NBEAL1: variants seen among roughly 807,000 people sequenced by gnomAD.
The protein encoded by NBEAL1 is neurobeachin-like protein 1.
A neutral mutation model predicts 351.3 loss-of-function variants in NBEAL1; 273 were observed. That is an observed-to-expected ratio of 0.78 (90% CI 0.70 to 0.86). The LOEUF is 0.86. NBEAL1 is among the 40% of genes least tolerant of loss of function. NBEAL1 has a pLI of 0.00. For synonymous variants in NBEAL1, 1,050 were observed against 1,086.4 expected, an observed-to-expected ratio of 0.97 and a Z score of 0.66; for missense variants, 2,961 against 3,201.3, an observed-to-expected ratio of 0.92 and a Z score of 1.81.
rs1381071486 is a variant in NBEAL1 at position 203,221,677 on chromosome 2, A to G, written c.*4323A>G. Among the ~76,000 whole-genome samples, 1 of 152,180 alleles carries G rather than the reference A, an allele frequency of 6.6e-6. No individual in the cohort carries two copies. The highest frequency in any genetic ancestry group is 1.5e-5 in the Non-Finnish European group (1 of 68,040). Reference sequence around the variant, plus strand: ...AACATTTTCATCACTCTTTAACAAAATCCATTCTCAATATTCTTTTTGCTG... The same window carrying G: ...AACATTTTCATCACTCTTTAACAAAGTCCATTCTCAATATTCTTTTTGCTG... On this transcript the variant is annotated 3_prime_UTR_variant, in exon 56 of 56. Coordinates refer to ENST00000683969, the MANE Select transcript of NBEAL1 (RefSeq NM_001378026.1).
In NBEAL1 at chr2:203,126,092, AG is replaced by A. The variant is rs758807614; in HGVS notation, c.2985+1del. 1 of 1,541,982 alleles carries A rather than the reference AG, an allele frequency of 6.5e-7. No individual in the cohort carries two copies. Among genetic ancestry groups the A allele is most frequent in the Non-Finnish European group, 8.7e-7 (1 of 1,143,746 alleles). ...GCAACTCTTGGTGCTTTACTTCAGA[AG>A]GTGAGCCAGTCTAACATTGTGTTGA... ...GVATLGALLQ[K>X]VPSTLMDVNV... On this transcript the variant is annotated frameshift_variant and splice_region_variant, in exon 21 of 56. Coordinates refer to ENST00000683969, the MANE Select transcript of NBEAL1 (RefSeq NM_001378026.1). LOFTEE classifies it high-confidence loss of function.
Position 203,080,451 on chromosome 2 carries a change from C to T in NBEAL1, c.684+2614C>T, listed in dbSNP as rs564273964. 5.9e-5 allele frequency among the ~76,000 whole-genome samples: 9 copies of T among 152,144 alleles called. No homozygotes were observed. The East Asian group carries it at 9.7e-4, about 16-fold the overall frequency. On this transcript the variant is annotated intron_variant, in intron 8 of 55. Coordinates refer to ENST00000683969, the MANE Select transcript of NBEAL1 (RefSeq NM_001378026.1). ...TTATCTGTTTGTATTAATGCAATTCCCCTTTCCTCCTTGTTTTTGCTCTGT... is the reference window on the plus strand; with the variant it reads ...TTATCTGTTTGTATTAATGCAATTCTCCTTTCCTCCTTGTTTTTGCTCTGT...
intron 50 of NBEAL1, among the ~76,000 whole-genome samples, chr2:203,202,284 G>C (rs1378561377): frequency 6.6e-6 from 1 of 152,146 alleles, no homozygotes; most frequent in African/African-American, 2.4e-5. Context: ...TTATAGTATA[G>C]TATGTGCAGT....
intron 12 of NBEAL1, among the ~76,000 whole-genome samples, chr2:203,105,614 G>T (rs1435640662): frequency 6.6e-6 from 1 of 152,178 alleles, no homozygotes. Context: ...ATTCTGAAGT[G>T]ATGTATGAAA....
At position 203,133,821 on chromosome 2, in the gene NBEAL1, G is replaced by T. The variant is rs368693566; in HGVS notation, c.3813+675G>T. ...ATTTATTTGTTTAACTGACAGAAAA[G>T]AAAAATATATATATTTGTTGTATAA... is the stretch of plus-strand genomic sequence containing the variant. On this transcript the variant is annotated intron_variant, in intron 27 of 55. Transcript: ENST00000683969. Among the ~76,000 whole-genome samples the T allele has an allele frequency of 2.7e-4, 41 of 150,942 alleles. No homozygotes were observed. In the South Asian group the frequency reaches 7.9e-3, roughly 29 times the overall value.
chr2:203,193,993 G>A (rs2065169001), intron 47 of NBEAL1, 82 bp downstream of exon 47: 2 of 716,934 alleles, frequency 2.8e-6, no homozygotes, highest in East Asian at 5.4e-5. Flanking sequence ...TTAATGGGAA[G>A]TAAGGATTAT....
intron 46 of NBEAL1, 38 bp from the exon 47 acceptor site, chr2:203,193,757 T>C: frequency 7.4e-7 from 1 of 1,358,820 alleles, no homozygotes; most frequent in Non-Finnish European, 1.0e-6. Flanking sequence ...ATTAATAACA[T>C]AGATATGGAA....
chr2:203,162,918 C>G (rs1372780173), intron 36 of NBEAL1, among the ~76,000 whole-genome samples: 2 of 152,150 alleles, frequency 1.3e-5, no homozygotes, highest in Non-Finnish European at 2.9e-5. Flanking sequence ...CTTTGGGAGG[C>G]CGAGGTAGGC....
chr2:203,061,719 T>C (rs1379621816), intron 6 of NBEAL1: 3 of 161,416 alleles, frequency 1.9e-5, no homozygotes, highest in African/African-American at 7.2e-5. Flanking sequence ...TTATCACTTT[T>C]ATTGCATGCA....
At chr2:203,185,070 G>A (rs1031466526) in intron 44 of NBEAL1, among the ~76,000 whole-genome samples, 4 of 152,108 alleles carry the variant, frequency 2.6e-5, no homozygotes, top group African/African-American at 4.8e-5. Flanking sequence ...TTGACCACAC[G>A]GATTAATAAC....
rs1293812519 is a variant in NBEAL1 at position 203,077,629 on chromosome 2, CTTTT to C, written c.599-122_599-119del. 3 of 526,884 alleles carry C rather than the reference CTTTT, an allele frequency of 5.7e-6. No homozygotes were observed. In the East Asian group the frequency reaches 1.1e-4, roughly 19 times the overall value. 32.6% of individuals were successfully genotyped at this position (526,884 alleles called of 1,614,324 possible). ...AAGACAAAATGCATATCAACCTTGG[CTTTT>C]AACACAGATCAGCCTTTTCACAAAT... On this transcript the variant is annotated intron_variant, in intron 7 of 55. Coordinates refer to ENST00000683969, the MANE Select transcript of NBEAL1 (RefSeq NM_001378026.1).
At chr2:203,096,908 G>A (rs1051406181) in intron 10 of NBEAL1, among the ~76,000 whole-genome samples, 6 of 152,134 alleles carry the variant, frequency 3.9e-5, no homozygotes, top group African/African-American at 1.4e-4. Context: ...GTTTGTGTCA[G>A]TAACAGCTTT....
intron 33 of NBEAL1, among the ~76,000 whole-genome samples, chr2:203,148,545 T>A (rs2063566407): frequency 6.6e-6 from 1 of 152,128 alleles, no homozygotes; most frequent in Non-Finnish European, 1.5e-5. Context: ...CTTTGAAACC[T>A]ATAAGCATTA....
chr2:203,188,094 AT>A (rs1215484411), intron 44 of NBEAL1, among the ~76,000 whole-genome samples: 1 of 151,228 alleles, frequency 6.6e-6, no homozygotes, highest in Admixed American at 6.6e-5. Flanking sequence ...TTAAATTGAT[AT>A]TTTTTTTTCT....
Position 203,217,941 on chromosome 2 carries a change from A to C in NBEAL1, c.*587A>C, listed in dbSNP as rs908034540. ...CTTAGCGTGTTTCTAATGAGAAGTT[A>C]CTGAAATCTATTACTGTCCTTAATA... On this transcript the variant is annotated 3_prime_UTR_variant, in exon 56 of 56. Coordinates refer to ENST00000683969, the MANE Select transcript of NBEAL1 (RefSeq NM_001378026.1). The C allele has an allele frequency of 1.0e-6, 1 of 953,934 alleles. No homozygotes were observed. 59.1% of individuals were successfully genotyped at this position (953,934 alleles called of 1,614,324 possible).
intron 35 of NBEAL1, among the ~76,000 whole-genome samples, chr2:203,153,339 A>G (rs976476704): frequency 7.4e-6 from 1 of 134,950 alleles, no homozygotes; most frequent in African/African-American, 2.8e-5. Flanking sequence ...ACAAGGTCTC[A>G]CCATATTGCC....
chr2:203,209,713 A>ATGTCTGTGTGTG (rs1553507742), intron 53 of NBEAL1, among the ~76,000 whole-genome samples: 1 of 138,578 alleles, frequency 7.2e-6, no homozygotes, highest in African/African-American at 2.7e-5. Context: ...TTTAATTAAT[A>ATGTCTGTGTGTG]TGTGTGTGTG....
At chr2:203,151,701 A>G (rs1304441550) in intron 35 of NBEAL1, 112 bp downstream of exon 35, 3 of 1,013,588 alleles carry the variant, frequency 3.0e-6, no homozygotes, top group Non-Finnish European at 4.0e-6. Flanking sequence ...GAAGGGTGGC[A>G]TTTTATAATT....
intron 31 of NBEAL1, among the ~76,000 whole-genome samples, chr2:203,141,330 CAGATA>C (rs2063361460): frequency 8.5e-6 from 1 of 117,038 alleles, no homozygotes. Context: ...ACAGCACCTA[CAGATA>C]AGACAGATTA....
Sources: allele counts gnomAD v4.1 joint callset (sites outside exome capture counted in the v4.1 genomes callset), GRCh38; gene constraint gnomAD v4.1.1; transcripts MANE v1.5; gene names NCBI Gene and HGNC (gene_info 2026-07-23, HGNC 2026-07-21).